REPS2: variants seen among roughly 807,000 people sequenced by gnomAD.
REPS2 encodes the protein ralBP1-associated Eps domain-containing protein 2.
In REPS2, 23 loss-of-function variants were observed where a neutral mutation model predicts 53.6. The observed-to-expected ratio is 0.43, with a 90% confidence interval of 0.31 to 0.61. The LOEUF (loss-of-function observed/expected upper bound fraction) is 0.61. REPS2 is among the 20% of genes least tolerant of loss of function. The pLI, the probability that REPS2 is intolerant of heterozygous loss-of-function variation, is 0.11. For synonymous variants in REPS2, 238 were observed against 218.6 expected (o/e 1.09, Z -0.78); for missense variants, 446 against 534.9 (o/e 0.83, Z 1.64).
At chrX:17,164,858 A>G in the REPS2 span, among the ~76,000 whole-genome samples, 18 of 112,404 alleles carry the variant, frequency 1.6e-4, no homozygotes, top group Non-Finnish European at 3.0e-4. Flanking sequence ...TAGAAAATAT[A>G]AAAACAATAG....
At chrX:17,139,784 C>T (rs1008823067) in intron 17 of REPS2, among the ~76,000 whole-genome samples, 4 of 111,133 alleles carry the variant, frequency 3.6e-5, no homozygotes, top group African/African-American at 1.3e-4. Flanking sequence ...GGCCTTCTTC[C>T]TGTATCTCTC....
At chrX:17,057,422 C>A (rs1427105947) in intron 8 of REPS2, among the ~76,000 whole-genome samples, 1 of 112,742 alleles carries the variant, frequency 8.9e-6, no homozygotes, top group Non-Finnish European at 1.9e-5. Flanking sequence ...GACAGGTAAA[C>A]ATGTTGGGGG....
chrX:16,983,590 C>T (rs966415931), intron 1 of REPS2, among the ~76,000 whole-genome samples: 12 of 112,539 alleles, frequency 1.1e-4, no homozygotes, highest in African/African-American at 2.9e-4. Flanking sequence ...GCAACCTCCA[C>T]CTCCTGAATT....
rs111595011 is a variant in REPS2, at chrX:16,947,555, A to G, written c.273+421A>G. Among the ~76,000 whole-genome samples the G allele has an allele frequency of 5.1e-3, 573 of 111,529 alleles. 3 individuals carry two copies. The highest frequency in any genetic ancestry group is 0.018 in the African/African-American group (549 of 30,674). On this transcript the variant is annotated intron_variant, in intron 1 of 17. Coordinates refer to ENST00000357277, the MANE Select transcript of REPS2 (RefSeq NM_004726.3). ...CTCAGGGTGCCTTGCTGGGATTTCA[A>G]CTTGAAGGGTGTGTGTGTCCGTAGG... is the stretch of plus-strand genomic sequence containing the variant.
chrX:17,076,259 C>T (rs2062380148), intron 12 of REPS2, among the ~76,000 whole-genome samples: 1 of 112,009 alleles, frequency 8.9e-6, no homozygotes, highest in African/African-American at 3.3e-5. Flanking sequence ...AGAAGGTTTT[C>T]AGAGGTTAAT....
chrX:17,171,489 G>C, the REPS2 span, among the ~76,000 whole-genome samples: 1 of 111,665 alleles, frequency 9.0e-6, no homozygotes. Context: ...CAAGAGATGT[G>C]AGATTCCTTC....
intron 13 of REPS2, among the ~76,000 whole-genome samples, chrX:17,090,710 A>G (rs1248122906): frequency 8.9e-5 from 10 of 112,464 alleles, no homozygotes; most frequent in African/African-American, 3.2e-4. Context: ...TCTTAATGAT[A>G]TGTTTTGAAG....
At chrX:16,972,787 A>T (rs1371112250) in intron 1 of REPS2, among the ~76,000 whole-genome samples, 2 of 111,942 alleles carry the variant, frequency 1.8e-5, no homozygotes, top group Non-Finnish European at 1.9e-5. Flanking sequence ...CACTCAAGGG[A>T]TGAGCTTATG....
At chrX:16,967,391 A>G (rs1363146223) in intron 1 of REPS2, among the ~76,000 whole-genome samples, 4 of 109,742 alleles carry the variant, frequency 3.6e-5, no homozygotes, top group Non-Finnish European at 7.6e-5. Flanking sequence ...ATAACAGCAG[A>G]TTGGTCAGGT....
Position 17,152,217 on chromosome X carries a change from C to T in REPS2, c.*4736C>T, listed in dbSNP as rs1447560141. On this transcript the variant is annotated 3_prime_UTR_variant, in exon 18 of 18. Coordinates refer to ENST00000357277, the MANE Select transcript of REPS2 (RefSeq NM_004726.3). Reference sequence around the variant, plus strand: ...TTTTGGAGGCTGTGTTACATGCATGCCCTAAAGCAGTCAGTCTGTTAGTAT... The same window carrying T: ...TTTTGGAGGCTGTGTTACATGCATGTCCTAAAGCAGTCAGTCTGTTAGTAT... 1.8e-5 allele frequency: 2 copies of T among 112,048 alleles called. No individual in the cohort carries two copies. The allele number at this position is 112,048 out of a possible 1,213,427, so 9.2% of individuals were successfully genotyped here.
chrX:17,160,367 G>A, the REPS2 span, among the ~76,000 whole-genome samples: 1 of 112,437 alleles, frequency 8.9e-6, no homozygotes, highest in African/African-American at 3.2e-5. Context: ...GTGACTCACA[G>A]ATTCTCACAA....
rs181076521 is a variant in REPS2 at position 16,951,295 on chromosome X, C to T, written c.273+4161C>T. ...AAGTATCCCATTCTGCCATTTTCCA[C>T]CTAGTGCTAGAATCCTGCTCTTAAA... On this transcript the variant is annotated intron_variant, in intron 1 of 17. Coordinates refer to ENST00000357277, the MANE Select transcript of REPS2 (RefSeq NM_004726.3). Among the ~76,000 whole-genome samples, 146 of 111,633 alleles carry T rather than the reference C, an allele frequency of 1.3e-3. 2 individuals carry two copies. Among genetic ancestry groups the T allele is most frequent in the Admixed American group, 1.8e-3 (19 of 10,445 alleles).
chrX:17,090,597 G>C (rs1342727956), intron 13 of REPS2, among the ~76,000 whole-genome samples: 2 of 112,234 alleles, frequency 1.8e-5, no homozygotes, highest in Non-Finnish European at 3.8e-5. Context: ...TCTTATTGTT[G>C]AGTTGTATAT....
the REPS2 span, among the ~76,000 whole-genome samples, chrX:17,196,337 C>T: frequency 1.2e-4 from 13 of 111,791 alleles, no homozygotes; most frequent in African/African-American, 3.6e-4. Flanking sequence ...TAGATGGTTA[C>T]TATGGTCTGA....
chrX:17,108,882 A>T (rs1279224305), intron 14 of REPS2, among the ~76,000 whole-genome samples: 1 of 108,970 alleles, frequency 9.2e-6, no homozygotes, highest in Non-Finnish European at 1.9e-5. Context: ...AAGGGGTGAG[A>T]TGACCAATGA....
intron 14 of REPS2, among the ~76,000 whole-genome samples, chrX:17,128,398 T>C (rs1357148004): frequency 1.9e-5 from 2 of 104,416 alleles, no homozygotes; most frequent in Non-Finnish European, 2.0e-5. Flanking sequence ...CATTATAGGC[T>C]GCTGGAGGTG....
At chrX:16,960,299 T>C (rs113622395) in intron 1 of REPS2, among the ~76,000 whole-genome samples, 3,801 of 111,157 alleles carry the variant, frequency 0.034, 157 homozygotes, top group African/African-American at 0.12. Context: ...CCGAGGATTT[T>C]GAGGCTGCAG....
chrX:17,028,928 T>A (rs2061677109), intron 4 of REPS2, among the ~76,000 whole-genome samples: 1 of 111,892 alleles, frequency 8.9e-6, no homozygotes, highest in Non-Finnish European at 1.9e-5. Flanking sequence ...AGTGAAAACA[T>A]ACATTCATTT....
chrX:16,986,996 A>G (rs2061099832), intron 1 of REPS2, among the ~76,000 whole-genome samples: 2 of 107,338 alleles, frequency 1.9e-5, no homozygotes, highest in African/African-American at 6.8e-5. Flanking sequence ...TGCAGCCACG[A>G]TCTCCTGGGT....
Sources: allele counts gnomAD v4.1 joint callset (sites outside exome capture counted in the v4.1 genomes callset), GRCh38; gene constraint gnomAD v4.1.1; transcripts MANE v1.5; gene names NCBI Gene and HGNC (gene_info 2026-07-23, HGNC 2026-07-21).